The following NTPCR variants were observed in gnomAD, a reference collection of about 807,000 sequenced individuals.
NTPCR encodes nucleoside-triphosphatase, cancer-related.
In NTPCR, 15 loss-of-function variants were observed where a neutral mutation model predicts 19.5. The ratio of observed to expected loss-of-function variants is 0.77; its 90% CI spans 0.51 to 1.18. The LOEUF is 1.18. Ranked by LOEUF, NTPCR falls within the 50% of genes most tolerant of loss-of-function variation. The pLI is 0.00. For synonymous variants in NTPCR, 90 were observed against 95.8 expected (o/e 0.94, Z 0.36); for missense variants, 206 against 240.4 (o/e 0.86, Z 0.95).
chr1:232,953,759 A>G (rs1044549389), intron 1 of NTPCR, among the ~76,000 whole-genome samples: 1 of 152,112 alleles, frequency 6.6e-6, no homozygotes, highest in African/African-American at 2.4e-5. Flanking sequence ...AAAAAACATA[A>G]TGGAATGGTT....
rs772985187 is a variant in NTPCR, at chr1:232,980,048, C to T, written c.*1817C>T. ...GGGCCATGTTCCTTCTGGTGCTTGT[C>T]CTTTTGAGCTTGGTGTTTCAGCCGT... On this transcript the variant is annotated 3_prime_UTR_variant, in exon 5 of 5. Coordinates refer to ENST00000366628, the MANE Select transcript of NTPCR (RefSeq NM_032324.3). The T allele has an allele frequency of 1.3e-5, 2 of 152,170 alleles. No individual in the cohort carries two copies. Among genetic ancestry groups the T allele is most frequent in the Non-Finnish European group, 2.9e-5 (2 of 68,034 alleles). The allele number at this position is 152,170 out of a possible 1,614,324, so 9.4% of individuals were successfully genotyped here.
At chr1:232,966,654 T>G (rs1052611863) in intron 3 of NTPCR, 7 of 152,236 alleles carry the variant, frequency 4.6e-5, no homozygotes, top group Non-Finnish European at 7.3e-5. Context: ...TATAAAATTA[T>G]TCGTAGCTTC....
chr1:232,966,940 T>C (rs767747253), intron 3 of NTPCR: 2 of 152,234 alleles, frequency 1.3e-5, no homozygotes, highest in African/African-American at 2.4e-5. Flanking sequence ...GTGTACATCG[T>C]GATTCTGACC....
chr1:232,978,300 G>T lies in NTPCR; in HGVS notation c.*69G>T. The T allele has an allele frequency of 1.5e-6, 2 of 1,342,382 alleles. No individual in the cohort carries two copies. Among genetic ancestry groups the T allele is most frequent in the Non-Finnish European group, 2.1e-6 (2 of 939,238 alleles). 83.2% of individuals were successfully genotyped at this position (1,342,382 alleles called of 1,614,324 possible). ...AGAGGAGCCTGATGGAGCCCTGCCT[G>T]TCGAGGCTGTATGCCTATGGGGTTA... On this transcript the variant is annotated 3_prime_UTR_variant, in exon 5 of 5. Coordinates refer to ENST00000366628, the MANE Select transcript of NTPCR (RefSeq NM_032324.3).
intron 1 of NTPCR, 103 bp downstream of exon 1, chr1:232,950,847 C>G (rs1273397981): frequency 1.4e-6 from 1 of 726,566 alleles, no homozygotes; most frequent in Non-Finnish European, 2.2e-6. Context: ...CTCCAGGGCT[C>G]CGGCCTCTGA....
chr1:232,967,856 T>C (rs1668862815), intron 3 of NTPCR: 1 of 152,220 alleles, frequency 6.6e-6, no homozygotes, highest in Non-Finnish European at 1.5e-5. Context: ...TCCACAGCAC[T>C]TGGGAACAGT....
At chr1:232,976,478 T>TGCCCACCTCTGTGTC in intron 4 of NTPCR, 1 of 1,548,818 alleles carries the variant, frequency 6.5e-7, no homozygotes, top group Non-Finnish European at 8.7e-7. Flanking sequence ...GCCCCTGTGG[T>TGCCCACCTCTGTGTC]GCCCACCTCT....
intron 3 of NTPCR, chr1:232,962,173 C>T (rs1409288601): frequency 6.6e-6 from 1 of 152,132 alleles, no homozygotes; most frequent in Non-Finnish European, 1.5e-5. Flanking sequence ...TGGAAAGTTA[C>T]TTGCCCAGGG....
Position 232,958,125 on chromosome 1 carries a change from A to G in NTPCR, c.294+1682A>G, listed in dbSNP as rs184337450. On this transcript the variant is annotated intron_variant, in intron 3 of 4. Transcript: ENST00000366628. ...AAGGAATGTGAGTGTCATTTAATCTATTACAGACTTACTACTTTGATTTGT... is the reference window on the plus strand; with the variant it reads ...AAGGAATGTGAGTGTCATTTAATCTGTTACAGACTTACTACTTTGATTTGT... Among the ~76,000 whole-genome samples the G allele has an allele frequency of 1.2e-4, 19 of 152,328 alleles. No homozygotes were observed. In the East Asian group the frequency reaches 3.5e-3, roughly 28 times the overall value.
At position 232,982,553 on chromosome 1, in the gene NTPCR, A is replaced by G. The variant is rs558063829; in HGVS notation, c.*4322A>G. The G allele has an allele frequency of 6.6e-6, 1 of 152,242 alleles. No individual in the cohort carries two copies. The highest frequency in any genetic ancestry group is 1.5e-5 in the Non-Finnish European group (1 of 68,058). 9.4% of individuals were successfully genotyped at this position (152,242 alleles called of 1,614,324 possible). On this transcript the variant is annotated 3_prime_UTR_variant, in exon 5 of 5. Transcript: ENST00000366628. ...GCAATGAACAGAATAACTGTTGAAG[A>G]AGCACCTCATGAACCTCCCCAGAGA... is the stretch of plus-strand genomic sequence containing the variant.
intron 3 of NTPCR, chr1:232,964,444 G>A (rs1668759372): frequency 6.6e-6 from 1 of 152,150 alleles, no homozygotes; most frequent in African/African-American, 2.4e-5. Flanking sequence ...AGCAGTGAGT[G>A]GGGAGATAGT....
At chr1:232,968,426 C>G (rs1668882026) in intron 3 of NTPCR, 1 of 152,210 alleles carries the variant, frequency 6.6e-6, no homozygotes, top group Non-Finnish European at 1.5e-5. Flanking sequence ...TTTAGACACC[C>G]ACTATCTTAT....
intron 3 of NTPCR, 144 bp from the exon 4 acceptor site, chr1:232,969,765 C>G (rs571617159): frequency 4.0e-5 from 26 of 643,754 alleles, no homozygotes; most frequent in Non-Finnish European, 6.0e-5. Flanking sequence ...CAGCGGTGGT[C>G]TGTGGGATGC....
intron 1 of NTPCR, among the ~76,000 whole-genome samples, chr1:232,952,733 T>C (rs891131109): frequency 1.3e-5 from 2 of 151,828 alleles, no homozygotes; most frequent in Non-Finnish European, 2.9e-5. Flanking sequence ...TATTGTCAGG[T>C]GTTTTTATTT....
In NTPCR at chr1:232,978,309, G is replaced by A; in HGVS notation, c.*78G>A. On this transcript the variant is annotated 3_prime_UTR_variant, in exon 5 of 5. Transcript: ENST00000366628. ...TGATGGAGCCCTGCCTGTCGAGGCTGTATGCCTATGGGGTTATGGAACCTT... is the reference window on the plus strand; with the variant it reads ...TGATGGAGCCCTGCCTGTCGAGGCTATATGCCTATGGGGTTATGGAACCTT... The A allele has an allele frequency of 1.7e-6, 2 of 1,195,234 alleles. No individual in the cohort carries two copies. The highest frequency in any genetic ancestry group is 2.5e-6 in the Non-Finnish European group (2 of 809,438). 74.0% of individuals were successfully genotyped at this position (1,195,234 alleles called of 1,614,324 possible). A position where few individuals can be genotyped will look rare whatever the true frequency, so the allele number is the denominator to read the frequency against.
chr1:232,961,672 T>C (rs1393251775), intron 3 of NTPCR, among the ~76,000 whole-genome samples: 1 of 152,198 alleles, frequency 6.6e-6, no homozygotes, highest in East Asian at 1.9e-4. Context: ...TCTGTCCCTA[T>C]TCCAAATTTA....
chr1:232,971,789 G>T (rs1023205633), intron 4 of NTPCR, among the ~76,000 whole-genome samples: 14 of 152,204 alleles, frequency 9.2e-5, no homozygotes, highest in African/African-American at 2.7e-4. Context: ...ATCAGGGAAG[G>T]TCTCTTCAAG....
chr1:232,955,530 CTTTTT>C lies in NTPCR; in HGVS notation c.35-12_35-8del. The C allele has an allele frequency of 2.5e-5, 34 of 1,350,642 alleles. No individual in the cohort carries two copies. Among genetic ancestry groups the C allele is most frequent in the Admixed American group, 9.5e-5 (3 of 31,428 alleles). 83.7% of individuals were successfully genotyped at this position (1,350,642 alleles called of 1,614,324 possible). ...GAATGTTTCCTAATGGGCTTTTCTT[CTTTTT>C]TTTTTTTTTTTTTTATTTTAGGAGT... On this transcript the variant is annotated intron_variant, in intron 1 of 4. Coordinates refer to ENST00000366628, the MANE Select transcript of NTPCR (RefSeq NM_032324.3).
At chr1:232,950,997 A>T (rs1039390547) in intron 1 of NTPCR, 1 of 460,974 alleles carries the variant, frequency 2.2e-6, no homozygotes, top group Non-Finnish European at 3.8e-6. Context: ...GATGAAGGGC[A>T]GAAACCGCAG....
Sources: allele counts gnomAD v4.1 joint callset (sites outside exome capture counted in the v4.1 genomes callset), GRCh38; gene constraint gnomAD v4.1.1; transcripts MANE v1.5; gene names NCBI Gene and HGNC (gene_info 2026-07-23, HGNC 2026-07-21).